The following HYDIN variants were observed in gnomAD, a reference collection of about 807,000 sequenced individuals.
The protein encoded by HYDIN is HYDIN axonemal central pair apparatus protein, also known as axonemal central pair apparatus protein HYDIN.
A neutral mutation model predicts 403.9 loss-of-function variants in HYDIN; 132 were observed. That is an observed-to-expected ratio of 0.33 (90% CI 0.28 to 0.38). HYDIN has a LOEUF of 0.38. Ranked by LOEUF, HYDIN falls within the 10% of genes least tolerant of loss-of-function variation. HYDIN has a pLI of 1.00. For synonymous variants in HYDIN, 1,202 were observed against 1,891.7 expected, an observed-to-expected ratio of 0.64 and a Z score of 9.46; for missense variants, 2,827 against 5,009.5, an observed-to-expected ratio of 0.56 and a Z score of 13.15.
chr16:71,228,109 T>C (rs896946997), intron 1 of HYDIN, among the ~76,000 whole-genome samples: 1 of 152,160 alleles, frequency 6.6e-6, no homozygotes, highest in Non-Finnish European at 1.5e-5. Flanking sequence ...GCTAGCCATA[T>C]GTAGAAAGCT....
intron 69 of HYDIN, 102 bp downstream of exon 69, chr16:70,861,946 G>A: frequency 1.8e-6 from 2 of 1,134,722 alleles, no homozygotes; most frequent in South Asian, 3.2e-5. Context: ...CAGGGATCTA[G>A]GGCCAGAAAG....
intron 1 of HYDIN, among the ~76,000 whole-genome samples, chr16:71,203,423 T>A (rs1365503154): frequency 2.0e-5 from 3 of 152,198 alleles, no homozygotes; most frequent in Non-Finnish European, 4.4e-5. Context: ...TTCCTGGAGT[T>A]TATTAGGAAG....
intron 18 of HYDIN, among the ~76,000 whole-genome samples, chr16:71,054,015 C>T (rs1401701455): frequency 1.1e-4 from 17 of 152,288 alleles, no homozygotes; most frequent in African/African-American, 4.1e-4. Context: ...GGCCAGTTCT[C>T]TTAACCAAGA....
At chr16:71,047,910 A>T (rs1239746529) in intron 18 of HYDIN, among the ~76,000 whole-genome samples, 7 of 152,080 alleles carry the variant, frequency 4.6e-5, no homozygotes. Context: ...CAGTCACCCC[A>T]CAGTGCTATA....
chr16:70,874,849 T>C lies in HYDIN; in HGVS notation c.10628A>G (p.Tyr3543Cys). ...LKGRPTTAYI[Y>C]ITEENKPHVK... ...ATGTGGTTTATTTTCCTCTGTGATG[T>C]AGATATACGCGGTGGTGGGCCTCCC... is the stretch of plus-strand genomic sequence containing the variant. Residue 3543 changes from tyrosine to cysteine, a missense_variant, in exon 63 of 86, where the codon TAC becomes TGC. Coordinates refer to ENST00000393567, the MANE Select transcript of HYDIN (RefSeq NM_001270974.2). 4 of 1,613,654 alleles carry C rather than the reference T, an allele frequency of 2.5e-6. No homozygotes were observed. The highest frequency in any genetic ancestry group is 1.1e-5 in the South Asian group (1 of 90,986).
chr16:71,046,972 G>T (rs1435770881), intron 18 of HYDIN, among the ~76,000 whole-genome samples: 2 of 151,888 alleles, frequency 1.3e-5, no homozygotes, highest in African/African-American at 2.4e-5. Context: ...AAATTTTTAT[G>T]GGGGAGAGAA....
intron 3 of HYDIN, among the ~76,000 whole-genome samples, chr16:71,183,631 T>C (rs913901226): frequency 6.6e-6 from 1 of 152,060 alleles, no homozygotes; most frequent in East Asian, 1.9e-4. Flanking sequence ...TTATGAAAAT[T>C]TGTGGCCCAA....
At chr16:71,189,722 G>A (rs1430373128) in intron 1 of HYDIN, among the ~76,000 whole-genome samples, 2 of 149,342 alleles carry the variant, frequency 1.3e-5, no homozygotes, top group Non-Finnish European at 2.9e-5. Flanking sequence ...AGCCGTGATG[G>A]CGCCACTACA....
At chr16:71,195,266 AAAG>A (rs1183174797) in intron 1 of HYDIN, among the ~76,000 whole-genome samples, 2 of 152,172 alleles carry the variant, frequency 1.3e-5, no homozygotes, top group African/African-American at 4.8e-5. Context: ...AAAAAAAAAA[AAAG>A]AAAAGAAAAA....
At position 70,807,306 on chromosome 16, in the gene HYDIN, C is replaced by T. The variant is rs550738221; in HGVS notation, c.*274G>A. 99 of 395,568 alleles carry T rather than the reference C, an allele frequency of 2.5e-4. No individual in the cohort carries two copies. The highest frequency in any genetic ancestry group is 3.4e-4 in the Non-Finnish European group (75 of 222,868). 24.5% of individuals were successfully genotyped at this position (395,568 alleles called of 1,614,324 possible). On this transcript the variant is annotated 3_prime_UTR_variant, in exon 86 of 86. Transcript: ENST00000393567. ...TAAAAATGGGAATTATTACAAAGTA[C>T]TTGAGCTTTGGGGCTATGTCAAGAA...
chr16:70,805,525 G>A lies in HYDIN; in HGVS notation c.*2055C>T, dbSNP rs939775265. On this transcript the variant is annotated 3_prime_UTR_variant, in exon 86 of 86. Coordinates refer to ENST00000393567, the MANE Select transcript of HYDIN (RefSeq NM_001270974.2). The stretch of plus-strand genomic sequence containing the variant: ...TCTCAAGCCCCACCCAAATCTCCTA[G>A]ATCGGACTTCCTGAGGGTGGGGCTC... Among the ~76,000 whole-genome samples, 2 of 152,210 alleles carry A rather than the reference G, an allele frequency of 1.3e-5. No homozygotes were observed. Among genetic ancestry groups the A allele is most frequent in the African/African-American group, 4.8e-5 (2 of 41,450 alleles).
chr16:71,125,751 T>C (rs2084428757), intron 9 of HYDIN, among the ~76,000 whole-genome samples: 1 of 152,134 alleles, frequency 6.6e-6, no homozygotes, highest in Admixed American at 6.5e-5. Flanking sequence ...AGCCAGTTGA[T>C]CAAAAAGCAC....
chr16:70,859,136 C>A (rs1361016846), intron 71 of HYDIN, among the ~76,000 whole-genome samples: 1 of 151,534 alleles, frequency 6.6e-6, no homozygotes, highest in African/African-American at 2.4e-5. Flanking sequence ...ACTGTCTCTA[C>A]TAAAAATACA....
In HYDIN at chr16:71,163,360, T is replaced by C. The variant is rs141601599; in HGVS notation, c.517-630A>G. Among the ~76,000 whole-genome samples the C allele has an allele frequency of 4.7e-3, 718 of 152,230 alleles. 8 individuals carry two copies. Among genetic ancestry groups the C allele is most frequent in the African/African-American group, 0.016 (670 of 41,542 alleles). On this transcript the variant is annotated intron_variant, in intron 5 of 85. Transcript: ENST00000393567. ...GATGGGTCTTGATATCCTGACCTCGTGATCCGCCTGCCTCGGCCTCCCAAA... is the reference window on the plus strand; with the variant it reads ...GATGGGTCTTGATATCCTGACCTCGCGATCCGCCTGCCTCGGCCTCCCAAA...
intron 39 of HYDIN, among the ~76,000 whole-genome samples, chr16:70,958,571 G>T (rs1454990664): frequency 6.6e-6 from 1 of 151,990 alleles, no homozygotes; most frequent in Non-Finnish European, 1.5e-5. Flanking sequence ...TGTGTAGGGG[G>T]TCTTCAAAAC....
intron 1 of HYDIN, among the ~76,000 whole-genome samples, chr16:71,195,747 T>A (rs1170744444): frequency 6.6e-6 from 1 of 152,224 alleles, no homozygotes; most frequent in African/African-American, 2.4e-5. Flanking sequence ...TGCCTTCTTA[T>A]ATCTTAGGTA....
chr16:70,961,233 G>T, intron 38 of HYDIN, among the ~76,000 whole-genome samples: 1 of 152,172 alleles, frequency 6.6e-6, no homozygotes, highest in Non-Finnish European at 1.5e-5. Flanking sequence ...CCACTTGGGG[G>T]CCCATCAACA....
chr16:71,209,564 G>T (rs934649591), intron 1 of HYDIN, among the ~76,000 whole-genome samples: 9 of 151,980 alleles, frequency 5.9e-5, no homozygotes, highest in African/African-American at 2.2e-4. Flanking sequence ...AGAAATAAAA[G>T]GCATCAAAAT....
intron 9 of HYDIN, among the ~76,000 whole-genome samples, chr16:71,126,540 G>A (rs2084467606): frequency 1.3e-5 from 2 of 152,182 alleles, no homozygotes; most frequent in Non-Finnish European, 2.9e-5. Context: ...TAGATGTACT[G>A]GTAAGGTCCA....
Sources: gnomAD v4.1 joint callset for allele counts (sites outside exome capture counted in the v4.1 genomes callset) on GRCh38, gnomAD v4.1.1 for gene constraint, MANE v1.5 for transcripts, NCBI Gene and HGNC (gene_info 2026-07-23, HGNC 2026-07-21) for gene names.